Variants in GRM8 observed in about 807,000 individuals in gnomAD.
GRM8 encodes the protein metabotropic glutamate receptor 8.
A neutral mutation model predicts 87.2 loss-of-function variants in GRM8; 47 were observed. That is an observed-to-expected ratio of 0.54 (90% CI 0.43 to 0.69). The LOEUF is 0.69. Among genes scored for constraint, GRM8 ranks in the 30% least tolerant of loss-of-function variants. The pLI is 0.00. For synonymous variants in GRM8, 396 were observed against 404.5 expected, an observed-to-expected ratio of 0.98 and a Z score of 0.25; for missense variants, 1,019 against 1,139.2, an observed-to-expected ratio of 0.89 and a Z score of 1.52.
At chr7:126,749,071 C>T (rs1199224769) in intron 7 of GRM8, among the ~76,000 whole-genome samples, 1 of 152,006 alleles carries the variant, frequency 6.6e-6, no homozygotes, top group South Asian at 2.1e-4. Flanking sequence ...GTCAGGAGTT[C>T]GAGACCAGCC....
At chr7:126,929,319 C>T (rs1445714356) in intron 3 of GRM8, among the ~76,000 whole-genome samples, 3 of 152,226 alleles carry the variant, frequency 2.0e-5, no homozygotes, top group African/African-American at 7.2e-5. Flanking sequence ...ATGACGACCA[C>T]ATTCTATAGC....
chr7:127,242,649 T>A, intron 2 of GRM8, 46 bp downstream of exon 2: 1 of 1,550,784 alleles, frequency 6.4e-7, no homozygotes, highest in Non-Finnish European at 8.8e-7. Flanking sequence ...GTCATAGCAT[T>A]TCATTGTTCT....
intron 8 of GRM8, among the ~76,000 whole-genome samples, chr7:126,565,617 CA>C (rs1460304341): frequency 1.3e-5 from 2 of 151,986 alleles, no homozygotes; most frequent in East Asian, 3.9e-4. Flanking sequence ...CCAGACTACT[CA>C]AAGTGATCTA....
chr7:126,702,652 T>C (rs1810062062), intron 7 of GRM8, among the ~76,000 whole-genome samples: 2 of 152,102 alleles, frequency 1.3e-5, no homozygotes, highest in Non-Finnish European at 1.5e-5. Flanking sequence ...AAGCCAGCAG[T>C]TGGGACAGCA....
chr7:127,185,183 C>T (rs1054317271), intron 2 of GRM8, among the ~76,000 whole-genome samples: 12 of 152,084 alleles, frequency 7.9e-5, no homozygotes, highest in Non-Finnish European at 4.4e-5. Context: ...GCTTGAACGA[C>T]ACATAATAGG....
chr7:127,079,866 G>A lies in GRM8; in HGVS notation c.727+26630C>T, dbSNP rs143505460. On this transcript the variant is annotated intron_variant, in intron 3 of 10. Coordinates refer to ENST00000339582, the MANE Select transcript of GRM8 (RefSeq NM_000845.3). ...TTTCCTTAAGTACTCCCAAACCTCC[G>A]TCCCCATCCTGTAAAAGTTTAATTC... Among the ~76,000 whole-genome samples, 544 of 151,948 alleles carry A rather than the reference G, an allele frequency of 3.6e-3. 4 individuals carry two copies. The highest frequency in any genetic ancestry group is 0.012 in the African/African-American group (517 of 41,380).
chr7:126,975,698 G>T (rs905096746), intron 3 of GRM8, among the ~76,000 whole-genome samples: 2 of 152,074 alleles, frequency 1.3e-5, no homozygotes, highest in African/African-American at 4.8e-5. Context: ...TTATTTGGGA[G>T]CTCAGAATTT....
intron 2 of GRM8, among the ~76,000 whole-genome samples, chr7:127,109,353 CCT>C (rs1826131695): frequency 6.6e-6 from 1 of 152,132 alleles, no homozygotes; most frequent in Non-Finnish European, 1.5e-5. Flanking sequence ...CTTTTATAAG[CCT>C]CTGTTAACTC....
At chr7:126,795,611 CCT>C (rs1349836470) in intron 6 of GRM8, among the ~76,000 whole-genome samples, 1 of 152,096 alleles carries the variant, frequency 6.6e-6, no homozygotes. Context: ...GTAACAACCA[CCT>C]CTCTCAATGC....
intron 7 of GRM8, among the ~76,000 whole-genome samples, chr7:126,755,622 T>C (rs936182463): frequency 1.2e-4 from 19 of 152,026 alleles, no homozygotes; most frequent in Admixed American, 1.2e-3. Flanking sequence ...GAAAAGCAAA[T>C]GTGTTTTCCT....
At chr7:126,439,856 G>GTGTGTGTGTGTGTGTGTT in intron 10 of GRM8, among the ~76,000 whole-genome samples, 1 of 151,096 alleles carries the variant, frequency 6.6e-6, no homozygotes, top group East Asian at 1.9e-4. Context: ...GTGTGTGTGT[G>GTGTGTGTGTGTGTGTGTT]TCTTAGTTTT....
intron 9 of GRM8, among the ~76,000 whole-genome samples, chr7:126,471,535 C>T (rs371092423): frequency 1.3e-5 from 2 of 151,902 alleles, no homozygotes; most frequent in Non-Finnish European, 2.9e-5. Flanking sequence ...GCTCTGTTCT[C>T]TTCCATTGAT....
At chr7:127,096,302 G>T (rs1824649943) in intron 3 of GRM8, among the ~76,000 whole-genome samples, 1 of 152,160 alleles carries the variant, frequency 6.6e-6, no homozygotes, top group South Asian at 2.1e-4. Context: ...GTTCATGCCT[G>T]CAATGCCAGC....
At chr7:127,184,392 G>GA (rs1234022287) in intron 2 of GRM8, among the ~76,000 whole-genome samples, 5 of 151,068 alleles carry the variant, frequency 3.3e-5, no homozygotes, top group Non-Finnish European at 5.9e-5. Flanking sequence ...CAGGCTAAGG[G>GA]AAAAAAAAGC....
At chr7:126,780,580 G>A (rs147302231) in intron 6 of GRM8, among the ~76,000 whole-genome samples, 50 of 152,286 alleles carry the variant, frequency 3.3e-4, no homozygotes, top group Non-Finnish European at 6.6e-4. Flanking sequence ...AAATGGGAGT[G>A]AATTAGGTGG....
At chr7:127,183,034 A>G (rs1001444963) in intron 2 of GRM8, among the ~76,000 whole-genome samples, 4 of 151,966 alleles carry the variant, frequency 2.6e-5, no homozygotes, top group Non-Finnish European at 5.9e-5. Flanking sequence ...CTGTACTCCA[A>G]TAACTTATGG....
intron 2 of GRM8, among the ~76,000 whole-genome samples, chr7:127,197,315 A>G (rs1795335960): frequency 6.6e-6 from 1 of 152,196 alleles, no homozygotes; most frequent in Non-Finnish European, 1.5e-5. Flanking sequence ...ACTTCACAAA[A>G]TCTCGACAAC....
chr7:127,190,204 T>C (rs1794948979), intron 2 of GRM8, among the ~76,000 whole-genome samples: 1 of 152,172 alleles, frequency 6.6e-6, no homozygotes, highest in African/African-American at 2.4e-5. Flanking sequence ...AGCTTGCCAC[T>C]AGAAATACAC....
At chr7:126,604,267 G>C (rs1798127334) in intron 8 of GRM8, among the ~76,000 whole-genome samples, 1 of 152,076 alleles carries the variant, frequency 6.6e-6, no homozygotes, top group African/African-American at 2.4e-5. Flanking sequence ...CAAAGCATTT[G>C]AATCACAGAG....
Sources: gnomAD v4.1 joint callset for allele counts (sites outside exome capture counted in the v4.1 genomes callset) on GRCh38, gnomAD v4.1.1 for gene constraint, MANE v1.5 for transcripts, NCBI Gene and HGNC (gene_info 2026-07-23, HGNC 2026-07-21) for gene names.